The following FGGY variants were observed in gnomAD, a reference collection of about 807,000 sequenced individuals.
FGGY encodes FGGY carbohydrate kinase domain containing, also known as FGGY carbohydrate kinase domain-containing protein.
A neutral mutation model predicts 71.3 loss-of-function variants in FGGY; 72 were observed. The observed-to-expected ratio is 1.01, with a 90% CI of 0.84 to 1.23. FGGY has a LOEUF of 1.23. Ranked by LOEUF, FGGY falls within the 50% of genes most tolerant of loss-of-function variation. The pLI is 0.00. For synonymous variants in FGGY, 251 were observed against 250.3 expected, an observed-to-expected ratio of 1.00 and a Z score of -0.02; for missense variants, 668 against 682.3, an observed-to-expected ratio of 0.98 and a Z score of 0.23.
At chr1:59,651,635 C>A (rs943133158) in intron 11 of FGGY, among the ~76,000 whole-genome samples, 1 of 150,490 alleles carries the variant, frequency 6.6e-6, no homozygotes. Context: ...TTATTTTGAG[C>A]CTATGTGTAT....
chr1:59,736,952 A>G (rs965321017), intron 14 of FGGY, among the ~76,000 whole-genome samples: 2 of 152,198 alleles, frequency 1.3e-5, no homozygotes, highest in Admixed American at 6.5e-5. Context: ...TTTTGTAGGC[A>G]GGGCCCAGGG....
At chr1:59,612,677 C>T (rs1166441470) in intron 9 of FGGY, among the ~76,000 whole-genome samples, 1 of 152,174 alleles carries the variant, frequency 6.6e-6, no homozygotes, top group East Asian at 1.9e-4. Flanking sequence ...GGGCTAAATG[C>T]TCCAATTGAA....
chr1:59,687,331 C>T (rs1178403860), intron 14 of FGGY, among the ~76,000 whole-genome samples: 1 of 152,222 alleles, frequency 6.6e-6, no homozygotes, highest in Non-Finnish European at 1.5e-5. Context: ...ATTCCCTGTT[C>T]CTGGCTCTAG....
intron 6 of FGGY, among the ~76,000 whole-genome samples, chr1:59,475,572 C>T (rs2093224578): frequency 6.6e-6 from 1 of 152,170 alleles, no homozygotes; most frequent in Admixed American, 6.5e-5. Context: ...TCTTTTCCAT[C>T]TCAGTAGAAG....
At chr1:59,740,489 C>T (rs752792150) in intron 14 of FGGY, among the ~76,000 whole-genome samples, 1 of 152,238 alleles carries the variant, frequency 6.6e-6, no homozygotes, top group Non-Finnish European at 1.5e-5. Context: ...ACATCTCTTC[C>T]CAGCTTCACA....
At chr1:59,642,423 G>C (rs1280783563) in intron 11 of FGGY, among the ~76,000 whole-genome samples, 1 of 151,900 alleles carries the variant, frequency 6.6e-6, no homozygotes, top group Non-Finnish European at 1.5e-5. Context: ...TCAGGGGTTC[G>C]AGACCAGCCT....
intron 5 of FGGY, among the ~76,000 whole-genome samples, chr1:59,413,657 A>C (rs559432739): frequency 1.4e-4 from 21 of 152,326 alleles, no homozygotes; most frequent in Admixed American, 4.6e-4. Flanking sequence ...ACATAAAAAA[A>C]AACCCAGACT....
chr1:59,459,104 CT>C (rs2091966200), intron 6 of FGGY, among the ~76,000 whole-genome samples: 1 of 152,204 alleles, frequency 6.6e-6, no homozygotes, highest in Non-Finnish European at 1.5e-5. Context: ...CCATGTGGAG[CT>C]TTTAGCCAAG....
intron 10 of FGGY, 86 bp downstream of exon 10, chr1:59,626,135 A>T: frequency 1.8e-6 from 2 of 1,088,474 alleles, no homozygotes; most frequent in Non-Finnish European, 2.8e-6. Context: ...TGATTTTCAG[A>T]TCCTACAGAC....
At chr1:59,558,269 C>T (rs1440575) in intron 8 of FGGY, among the ~76,000 whole-genome samples, 81,197 of 152,030 alleles carry the variant, frequency 0.53, 22,703 homozygotes, top group African/African-American at 0.7. Context: ...TGGTTATGGA[C>T]TAGAATTAGA....
chr1:59,540,932 A>G lies in FGGY; in HGVS notation c.800-13192A>G, dbSNP rs115634658. Among the ~76,000 whole-genome samples the G allele has an allele frequency of 3.1e-3, 475 of 152,058 alleles. 2 individuals carry two copies. The highest frequency in any genetic ancestry group is 0.011 in the African/African-American group (450 of 41,464). On this transcript the variant is annotated intron_variant, in intron 7 of 15. Coordinates refer to ENST00000303721, the MANE Select transcript of FGGY (RefSeq NM_018291.5). ...AGGTGCTTCATAAATGTTAAATTCT[A>G]CTCCCACCTTGCTATACTCATAATC...
intron 7 of FGGY, among the ~76,000 whole-genome samples, chr1:59,548,991 C>T (rs1387177905): frequency 6.6e-6 from 1 of 152,146 alleles, no homozygotes; most frequent in African/African-American, 2.4e-5. Flanking sequence ...TATTTTTAAG[C>T]ACTGTGCCAT....
At chr1:59,596,651 A>T (rs1360165132) in intron 8 of FGGY, among the ~76,000 whole-genome samples, 1 of 152,112 alleles carries the variant, frequency 6.6e-6, no homozygotes. Flanking sequence ...AATGTGTGTG[A>T]AACTGGCCCA....
Position 59,392,654 on chromosome 1 carries a change from A to G in FGGY, c.554+13817A>G, listed in dbSNP as rs537762448. ...ACCCTTTGGGCTATGATTTAATGTT[A>G]AAATGCTGTACCCTTTCCTTTCCTC... is the stretch of plus-strand genomic sequence containing the variant. On this transcript the variant is annotated intron_variant, in intron 5 of 15. Transcript: ENST00000303721. Among the ~76,000 whole-genome samples the G allele has an allele frequency of 2.0e-5, 3 of 152,306 alleles. No individual in the cohort carries two copies. In the East Asian group the frequency reaches 5.8e-4, roughly 29 times the overall value.
chr1:59,445,458 T>A (rs1369881800), intron 5 of FGGY, among the ~76,000 whole-genome samples: 1 of 152,254 alleles, frequency 6.6e-6, no homozygotes, highest in East Asian at 1.9e-4. Flanking sequence ...GAGCTCTGAA[T>A]GTTCTGGAAG....
chr1:59,378,728 A>T, intron 4 of FGGY, 21 bp from the exon 5 acceptor site: 1 of 1,605,174 alleles, frequency 6.2e-7, no homozygotes, highest in Non-Finnish European at 8.5e-7. Context: ...AATTGATTCT[A>T]ATATATATTT....
chr1:59,612,112 C>A (rs549489165), intron 9 of FGGY, among the ~76,000 whole-genome samples: 2 of 152,298 alleles, frequency 1.3e-5, no homozygotes, highest in South Asian at 4.1e-4. Flanking sequence ...CCTAGCTAGG[C>A]AGACCAACAT....
At chr1:59,478,964 T>G (rs560177554) in intron 6 of FGGY, among the ~76,000 whole-genome samples, 1 of 152,334 alleles carries the variant, frequency 6.6e-6, no homozygotes, top group South Asian at 2.1e-4. Flanking sequence ...CTCGGGGACC[T>G]TAGTGAAAGT....
chr1:59,725,805 G>A (rs750407872), intron 14 of FGGY, among the ~76,000 whole-genome samples: 1 of 152,036 alleles, frequency 6.6e-6, no homozygotes, highest in Non-Finnish European at 1.5e-5. Flanking sequence ...CATTGGGTGG[G>A]TTGGTTGATT....
Sources: allele counts gnomAD v4.1 joint callset (sites outside exome capture counted in the v4.1 genomes callset), GRCh38; gene constraint gnomAD v4.1.1; transcripts MANE v1.5; gene names NCBI Gene and HGNC (gene_info 2026-07-23, HGNC 2026-07-21).